Variants in ARHGAP28 observed in about 807,000 individuals in gnomAD.
The protein encoded by ARHGAP28 is Rho GTPase activating protein 28.
A neutral mutation model predicts 90.7 loss-of-function variants in ARHGAP28; 56 were observed. The ratio of observed to expected loss-of-function variants is 0.62; its 90% CI spans 0.50 to 0.77. ARHGAP28 has a LOEUF of 0.77. ARHGAP28 is among the 30% of genes least tolerant of loss of function. The probability of loss-of-function intolerance (pLI) is 0.00; values close to 1 mark genes in which losing one functional copy is unlikely to be tolerated. For missense variants in ARHGAP28, 869 were observed against 900.9 expected, an observed-to-expected ratio of 0.96 and a Z score of 0.45; for synonymous variants, 308 against 323.3, an observed-to-expected ratio of 0.95 and a Z score of 0.51.
intron 1 of ARHGAP28, among the ~76,000 whole-genome samples, chr18:6,806,032 A>C (rs2056516682): frequency 6.6e-6 from 1 of 151,564 alleles, no homozygotes; most frequent in African/African-American, 2.4e-5. Flanking sequence ...CTACAGGCAC[A>C]CGCCACCAGG....
intron 2 of ARHGAP28, among the ~76,000 whole-genome samples, chr18:6,830,570 G>A (rs577635140): frequency 1.1e-4 from 17 of 152,204 alleles, no homozygotes; most frequent in Middle Eastern, 6.8e-3. Context: ...AACATGTGAC[G>A]TTTGGTTTTC....
rs115917576 is a variant in ARHGAP28, at chr18:6,779,422, C to T, written c.123-45340C>T. On this transcript the variant is annotated intron_variant, in intron 1 of 17. Coordinates refer to ENST00000383472, the MANE Select transcript of ARHGAP28 (RefSeq NM_001366230.1). ...TATCAGGAACTGCATACATTTATCACATTTCCTTGGGCAGAACAAAATTGC... is the reference window on the plus strand; with the variant it reads ...TATCAGGAACTGCATACATTTATCATATTTCCTTGGGCAGAACAAAATTGC... 7.7e-3 allele frequency among the ~76,000 whole-genome samples: 1,170 copies of T among 152,308 alleles called. 8 individuals are homozygous for T. Among genetic ancestry groups the T allele is most frequent in the African/African-American group, 0.027 (1,106 of 41,554 alleles).
chr18:6,872,832 T>C (rs1010997779), intron 7 of ARHGAP28, among the ~76,000 whole-genome samples: 2 of 152,210 alleles, frequency 1.3e-5, no homozygotes, highest in Admixed American at 1.3e-4. Context: ...ATTTGCTTTT[T>C]TAAGAATTTG....
At chr18:6,730,103 T>C (rs2055863810) in intron 1 of ARHGAP28, 160 bp downstream of exon 1, 2 of 741,806 alleles carry the variant, frequency 2.7e-6, no homozygotes, top group South Asian at 9.5e-5. Flanking sequence ...TTGCATTGTC[T>C]TTGACTGGAG....
intron 1 of ARHGAP28, 182 bp downstream of exon 1, chr18:6,730,125 T>C: frequency 1.8e-6 from 1 of 569,892 alleles, no homozygotes. Context: ...TGGGAAACGC[T>C]CGAAGGCTCC....
At chr18:6,743,755 T>A (rs1042712664) in intron 1 of ARHGAP28, among the ~76,000 whole-genome samples, 1 of 151,138 alleles carries the variant, frequency 6.6e-6, no homozygotes, top group Non-Finnish European at 1.5e-5. Flanking sequence ...TTTCACTCAT[T>A]AAAACAAGAA....
chr18:6,811,654 C>T (rs1323030897), intron 1 of ARHGAP28, among the ~76,000 whole-genome samples: 2 of 152,026 alleles, frequency 1.3e-5, no homozygotes, highest in Non-Finnish European at 2.9e-5. Context: ...TAACATTACA[C>T]GTCTATTTTT....
chr18:6,778,700 G>A (rs2056302870), intron 1 of ARHGAP28, among the ~76,000 whole-genome samples: 1 of 152,234 alleles, frequency 6.6e-6, no homozygotes, highest in Non-Finnish European at 1.5e-5. Flanking sequence ...GCACTAGGGA[G>A]TGCTACGTGT....
intron 1 of ARHGAP28, among the ~76,000 whole-genome samples, chr18:6,796,580 T>A (rs987586806): frequency 3.9e-5 from 6 of 152,180 alleles, no homozygotes; most frequent in African/African-American, 7.2e-5. Context: ...GGGTAACCAA[T>A]AAACTGCAGT....
At chr18:6,879,664 T>A (rs188914506) in intron 10 of ARHGAP28, among the ~76,000 whole-genome samples, 17 of 152,326 alleles carry the variant, frequency 1.1e-4, no homozygotes, top group Admixed American at 1.1e-3. Flanking sequence ...TCACGCCGCA[T>A]ACGCGTGGGA....
intron 1 of ARHGAP28, among the ~76,000 whole-genome samples, chr18:6,778,039 G>C (rs2056298580): frequency 6.6e-6 from 1 of 152,138 alleles, no homozygotes; most frequent in Non-Finnish European, 1.5e-5. Context: ...CACTAGCAAA[G>C]CCATTAGCTC....
At chr18:6,777,127 C>A (rs2056290186) in intron 1 of ARHGAP28, among the ~76,000 whole-genome samples, 1 of 152,098 alleles carries the variant, frequency 6.6e-6, no homozygotes, top group Non-Finnish European at 1.5e-5. Flanking sequence ...AGTTGGGAAA[C>A]CAGTTAGGCG....
intron 2 of ARHGAP28, among the ~76,000 whole-genome samples, chr18:6,830,923 C>G (rs1405734519): frequency 6.6e-6 from 1 of 152,124 alleles, no homozygotes; most frequent in African/African-American, 2.4e-5. Context: ...TTGTGAAAGT[C>G]TTTTTGTATA....
At chr18:6,868,508 T>C (rs1307355358) in intron 6 of ARHGAP28, among the ~76,000 whole-genome samples, 1 of 152,148 alleles carries the variant, frequency 6.6e-6, no homozygotes, top group African/African-American at 2.4e-5. Flanking sequence ...GGCTAGTGTC[T>C]TTGCTTTAAA....
At position 6,846,391 on chromosome 18, in the gene ARHGAP28, C is replaced by T. The variant is rs551320034; in HGVS notation, c.544-4643C>T. The stretch of plus-strand genomic sequence containing the variant: ...ATCTGGAAGCAGGTTCTTGGTCTCT[C>T]CTAAGAGTCTGCTGAGTGGTTTGGA... On this transcript the variant is annotated intron_variant, in intron 3 of 17. Transcript: ENST00000383472. Among the ~76,000 whole-genome samples, 67 of 152,254 alleles carry T rather than the reference C, an allele frequency of 4.4e-4. No homozygotes were observed. The South Asian group carries it at 5.0e-3, about 11-fold the overall frequency.
At chr18:6,821,517 A>T (rs922081154) in intron 1 of ARHGAP28, among the ~76,000 whole-genome samples, 2 of 152,222 alleles carry the variant, frequency 1.3e-5, no homozygotes, top group African/African-American at 4.8e-5. Flanking sequence ...GATGGGCCTG[A>T]GGGTCAAAAT....
chr18:6,852,156 A>T (rs977760662), intron 4 of ARHGAP28, among the ~76,000 whole-genome samples: 1 of 152,234 alleles, frequency 6.6e-6, no homozygotes, highest in Non-Finnish European at 1.5e-5. Context: ...GCTACTTACA[A>T]TAAACAGTCT....
At chr18:6,837,842 C>T (rs2056766326) in intron 3 of ARHGAP28, among the ~76,000 whole-genome samples, 1 of 151,982 alleles carries the variant, frequency 6.6e-6, no homozygotes. Flanking sequence ...CCTTTATGTT[C>T]AGATAAATTA....
chr18:6,840,917 G>GA (rs923434616), intron 3 of ARHGAP28, among the ~76,000 whole-genome samples: 66 of 151,896 alleles, frequency 4.3e-4, no homozygotes, highest in Non-Finnish European at 4.4e-5. Flanking sequence ...CCTCACTTTT[G>GA]AAAAAATATT....
Sources: gnomAD v4.1 joint callset for allele counts (sites outside exome capture counted in the v4.1 genomes callset) on GRCh38, gnomAD v4.1.1 for gene constraint, MANE v1.5 for transcripts, NCBI Gene and HGNC (gene_info 2026-07-23, HGNC 2026-07-21) for gene names.